The following MUSK variants were observed in gnomAD, a reference collection of about 807,000 sequenced individuals.
MUSK encodes the protein muscle, skeletal receptor tyrosine-protein kinase.
Under a neutral mutation model 88.7 loss-of-function variants are expected in MUSK, and 55 were observed. The observed-to-expected ratio is 0.62, with a 90% confidence interval of 0.50 to 0.78. The LOEUF is 0.78. MUSK is among the 30% of genes least tolerant of loss of function. MUSK has a pLI of 0.00. For missense variants in MUSK, 1,015 were observed against 1,074.3 expected (o/e 0.94, Z 0.77); for synonymous variants, 387 against 391.9 (o/e 0.99, Z 0.15).
intron 5 of MUSK, among the ~76,000 whole-genome samples, chr9:110,709,297 T>G (rs1329611054): frequency 6.6e-6 from 1 of 152,198 alleles, no homozygotes; most frequent in African/African-American, 2.4e-5. Flanking sequence ...CAAGGCATTA[T>G]TTTTGGAGAG....
At chr9:110,700,302 T>A (rs1025687600) in intron 5 of MUSK, among the ~76,000 whole-genome samples, 22 of 152,280 alleles carry the variant, frequency 1.4e-4, no homozygotes, top group Admixed American at 5.9e-4. Flanking sequence ...AACAGAGGAA[T>A]AGAGAGGATA....
chr9:110,698,191 CCTAGCT>C (rs1420628522), intron 5 of MUSK, among the ~76,000 whole-genome samples: 1 of 152,142 alleles, frequency 6.6e-6, no homozygotes, highest in Non-Finnish European at 1.5e-5. Flanking sequence ...ACAAACCCTT[CCTAGCT>C]CTTCCTGTTG....
rs991926529 is a variant in MUSK, at chr9:110,806,025, CAA to C, written c.*5038_*5039del. Among the ~76,000 whole-genome samples the C allele has an allele frequency of 1.3e-5, 2 of 151,938 alleles. No individual in the cohort carries two copies. The highest frequency in any genetic ancestry group is 2.4e-5 in the African/African-American group (1 of 41,398). On this transcript the variant is annotated 3_prime_UTR_variant, in exon 15 of 15. Coordinates refer to ENST00000374448, the MANE Select transcript of MUSK (RefSeq NM_005592.4). ...TAAAAATGTTGTTTAAAAAAACTCA[CAA>C]GAGGGTAAAAATTAAAAAAATAATA...
intron 1 of MUSK, among the ~76,000 whole-genome samples, chr9:110,673,341 C>T (rs1467643535): frequency 6.6e-6 from 1 of 152,158 alleles, no homozygotes; most frequent in African/African-American, 2.4e-5. Flanking sequence ...GATATGTAGA[C>T]AAGTTGTGCA....
At chr9:110,723,200 T>C (rs1056784457) in intron 5 of MUSK, among the ~76,000 whole-genome samples, 3 of 148,450 alleles carry the variant, frequency 2.0e-5, no homozygotes, top group African/African-American at 5.0e-5. Flanking sequence ...TACATACATA[T>C]ACACACACAC....
chr9:110,697,127 A>G (rs2076440818), intron 4 of MUSK, among the ~76,000 whole-genome samples, 198 bp from the exon 5 acceptor site: 1 of 150,650 alleles, frequency 6.6e-6, no homozygotes, highest in Non-Finnish European at 1.5e-5. Context: ...ACCTCATAGG[A>G]CCCTGGTGAA....
intron 11 of MUSK, among the ~76,000 whole-genome samples, chr9:110,784,208 A>C (rs73544124): frequency 0.14 from 21,402 of 152,112 alleles, 1,562 homozygotes; most frequent in South Asian, 0.19. Context: ...AGGTTCTTTT[A>C]ATACATATAC....
chr9:110,707,383 C>T (rs1030380161), intron 5 of MUSK, among the ~76,000 whole-genome samples: 17 of 152,086 alleles, frequency 1.1e-4, no homozygotes, highest in African/African-American at 3.9e-4. Context: ...TCTGCCTTAA[C>T]TAAGATTTTT....
At chr9:110,789,924 C>G (rs117969687) in intron 14 of MUSK, among the ~76,000 whole-genome samples, 5 of 152,238 alleles carry the variant, frequency 3.3e-5, no homozygotes, top group Non-Finnish European at 7.3e-5. Context: ...TTGCAGTACA[C>G]AGAGTATTTA....
chr9:110,732,106 A>G (rs2076972376), intron 5 of MUSK, among the ~76,000 whole-genome samples: 1 of 152,118 alleles, frequency 6.6e-6, no homozygotes, highest in Non-Finnish European at 1.5e-5. Flanking sequence ...CAAAAAGTTC[A>G]AGGGTATAGT....
intron 1 of MUSK, among the ~76,000 whole-genome samples, chr9:110,679,165 A>G (rs572464736): frequency 3.3e-5 from 5 of 152,120 alleles, no homozygotes; most frequent in African/African-American, 1.2e-4. Context: ...TTGATATATT[A>G]GTGTCTGAAG....
At chr9:110,788,557 G>C (rs749020721) in intron 14 of MUSK, among the ~76,000 whole-genome samples, 25 of 151,732 alleles carry the variant, frequency 1.6e-4, no homozygotes, top group Non-Finnish European at 2.5e-4. Flanking sequence ...GCTTACACCG[G>C]GGGGGCAGAG....
At chr9:110,698,894 G>C (rs574294839) in intron 5 of MUSK, among the ~76,000 whole-genome samples, 4 of 152,022 alleles carry the variant, frequency 2.6e-5, no homozygotes, top group Admixed American at 6.6e-5. Context: ...CTGAATATCT[G>C]TCTGCCTAGA....
At chr9:110,711,693 T>G (rs960101063) in intron 5 of MUSK, among the ~76,000 whole-genome samples, 4 of 152,168 alleles carry the variant, frequency 2.6e-5, no homozygotes, top group Non-Finnish European at 5.9e-5. Flanking sequence ...ATGGTTAACG[T>G]TCTTGATGCC....
At chr9:110,716,776 G>A (rs2076749670) in intron 5 of MUSK, among the ~76,000 whole-genome samples, 1 of 149,760 alleles carries the variant, frequency 6.7e-6, no homozygotes. Context: ...TATAAGTTTA[G>A]GCTTTATATG....
intron 5 of MUSK, among the ~76,000 whole-genome samples, chr9:110,730,282 T>G (rs1171031057): frequency 6.6e-6 from 1 of 152,024 alleles, no homozygotes; most frequent in Admixed American, 6.6e-5. Context: ...CACAGTGAAT[T>G]GGAGAAGGAT....
At position 110,802,840 on chromosome 9, in the gene MUSK, G is replaced by A. The variant is rs376796538; in HGVS notation, c.*1852G>A. On this transcript the variant is annotated 3_prime_UTR_variant, in exon 15 of 15. Transcript: ENST00000374448. ...GTCACAGTTCTGGTTCATAAATAGC[G>A]AGGTCAGCATTTAGGACTGAGACCT... 6.6e-6 allele frequency among the ~76,000 whole-genome samples: 1 copy of A among 152,150 alleles called. No homozygotes were observed. Among genetic ancestry groups the A allele is most frequent in the East Asian group, 1.9e-4 (1 of 5,198 alleles).
chr9:110,781,681 A>G (rs1234966025), intron 11 of MUSK, among the ~76,000 whole-genome samples: 1 of 152,206 alleles, frequency 6.6e-6, no homozygotes, highest in Non-Finnish European at 1.5e-5. Flanking sequence ...CAAGAAGTCC[A>G]AGATCAAGGT....
chr9:110,723,335 T>C (rs1017235835), intron 5 of MUSK, among the ~76,000 whole-genome samples: 3 of 151,636 alleles, frequency 2.0e-5, no homozygotes, highest in East Asian at 3.9e-4. Context: ...CTGGTTGGAA[T>C]TGGAGATCAT....
Sources: gnomAD v4.1 joint callset for allele counts (sites outside exome capture counted in the v4.1 genomes callset) on GRCh38, gnomAD v4.1.1 for gene constraint, MANE v1.5 for transcripts, NCBI Gene and HGNC (gene_info 2026-07-23, HGNC 2026-07-21) for gene names.